TTLL1: variants seen among roughly 807,000 people sequenced by gnomAD.
TTLL1 encodes the protein polyglutamylase complex subunit TTLL1.
Under a neutral mutation model 47.8 loss-of-function variants are expected in TTLL1, and 33 were observed. The observed-to-expected ratio is 0.69, with a 90% CI of 0.52 to 0.92. TTLL1 has a LOEUF of 0.92. TTLL1 is among the 40% of genes least tolerant of loss of function. The pLI is 0.00. For missense variants in TTLL1, 488 were observed against 547.5 expected (o/e 0.89, Z 1.08); for synonymous variants, 225 against 214.1 (o/e 1.05, Z -0.45).
chr22:43,052,008 C>G, intron 8 of TTLL1, 121 bp from the exon 9 acceptor site: 1 of 850,864 alleles, frequency 1.2e-6, no homozygotes. Context: ...GGTTCCCACC[C>G]TCCACCACAA....
At chr22:43,084,144 T>A (rs1929073061) in intron 1 of TTLL1, among the ~76,000 whole-genome samples, 1 of 152,100 alleles carries the variant, frequency 6.6e-6, no homozygotes, top group African/African-American at 2.4e-5. Flanking sequence ...CTGAAAAAAC[T>A]CTAAACATAT....
At chr22:43,046,803 G>A (rs1926176491) in intron 9 of TTLL1, among the ~76,000 whole-genome samples, 1 of 152,082 alleles carries the variant, frequency 6.6e-6, no homozygotes, top group Non-Finnish European at 1.5e-5. Context: ...CTGAGTAGCT[G>A]GGACTACAGG....
chr22:43,070,154 A>G (rs774185857), intron 3 of TTLL1: 1 of 1,414,150 alleles, frequency 7.1e-7, no homozygotes, highest in Non-Finnish European at 9.5e-7. Context: ...AACACTGTCA[A>G]CAAATAAAAG....
intron 1 of TTLL1, among the ~76,000 whole-genome samples, chr22:43,080,626 C>T (rs974639176): frequency 1.3e-5 from 2 of 152,112 alleles, no homozygotes; most frequent in African/African-American, 4.8e-5. Context: ...CTGTGTGCAC[C>T]CTGTGCCCCA....
chr22:43,070,362 C>G, intron 3 of TTLL1: 1 of 454,590 alleles, frequency 2.2e-6, no homozygotes, highest in South Asian at 1.8e-5. Context: ...TAGATTCCTT[C>G]TGAGCCTCTG....
Position 43,039,599 on chromosome 22 carries a change from G to T in TTLL1, c.*177C>A. 4 of 640,414 alleles carry T rather than the reference G, an allele frequency of 6.2e-6. No individual in the cohort carries two copies. Among genetic ancestry groups the T allele is most frequent in the Non-Finnish European group, 4.5e-6 (2 of 443,620 alleles). The allele number at this position is 640,414 out of a possible 1,614,324, so 39.7% of individuals were successfully genotyped here. Reference sequence around the variant, plus strand: ...AAAAAAGAGCGAGTTTTATACATCCGCATGAATTGTTTCCTTTAGCACTAG... The same window carrying T: ...AAAAAAGAGCGAGTTTTATACATCCTCATGAATTGTTTCCTTTAGCACTAG... On this transcript the variant is annotated 3_prime_UTR_variant, in exon 11 of 11. Coordinates refer to ENST00000266254, the MANE Select transcript of TTLL1 (RefSeq NM_012263.5).
intron 7 of TTLL1, among the ~76,000 whole-genome samples, chr22:43,062,501 A>AG (rs1015198561): frequency 6.8e-6 from 1 of 147,234 alleles, no homozygotes; most frequent in African/African-American, 2.6e-5. Flanking sequence ...TAAAAAAAAA[A>AG]AAGAAAAGAA....
Position 43,068,586 on chromosome 22 carries a change from A to G in TTLL1, c.327T>C (p.Phe109=). ...CGGGCAGCATATAGGTGACTGGAAC[A>G]AAGTCTGCAAGGCAAAGACACCCAG... ...DENGKYLYLD[F]VPVTYMLPAD... The change falls in exon 5 of 11, where the codon TTT becomes TTC. Residue 109 remains phenylalanine (F), a synonymous_variant. Coordinates refer to ENST00000266254, the MANE Select transcript of TTLL1 (RefSeq NM_012263.5). 6.7e-7 allele frequency: 1 copy of G among 1,482,300 alleles called. No homozygotes were observed. Among genetic ancestry groups the G allele is most frequent in the Non-Finnish European group, 9.1e-7 (1 of 1,097,450 alleles). The allele number at this position is 1,482,300 out of a possible 1,614,324, so 91.8% of individuals were successfully genotyped here.
At chr22:43,080,579 C>A (rs757972332) in intron 1 of TTLL1, among the ~76,000 whole-genome samples, 1 of 152,250 alleles carries the variant, frequency 6.6e-6, no homozygotes, top group East Asian at 1.9e-4. Flanking sequence ...TCAGCCCCTT[C>A]CCACACCTGC....
intron 10 of TTLL1, among the ~76,000 whole-genome samples, chr22:43,044,755 CAG>C (rs149107910): frequency 0.085 from 12,958 of 152,182 alleles, 666 homozygotes; most frequent in Non-Finnish European, 0.12. Context: ...TATGTACACA[CAG>C]GGGATTCTGA....
At chr22:43,073,559 T>C (rs1459878982) in intron 3 of TTLL1, among the ~76,000 whole-genome samples, 2 of 151,692 alleles carry the variant, frequency 1.3e-5, no homozygotes, top group African/African-American at 4.8e-5. Flanking sequence ...TTTCACCAAG[T>C]TGGCTAGGCT....
chr22:43,076,262 C>T (rs35785167), intron 2 of TTLL1, among the ~76,000 whole-genome samples: 10,146 of 150,768 alleles, frequency 0.067, 623 homozygotes, highest in East Asian at 0.3. Context: ...TCAAGACCAG[C>T]GTGGCCAATG....
chr22:43,080,931 T>TTTTTTTTA (rs1362475988), intron 1 of TTLL1, among the ~76,000 whole-genome samples: 4 of 128,946 alleles, frequency 3.1e-5, no homozygotes, highest in Non-Finnish European at 6.3e-5. Flanking sequence ...TTTTTTTTTT[T>TTTTTTTTA]TTTTAGACAA....
Position 43,039,915 on chromosome 22 carries a change from GA to G in TTLL1, c.1143-11del. On this transcript the variant is annotated splice_polypyrimidine_tract_variant and intron_variant, in intron 10 of 10. Coordinates refer to ENST00000266254, the MANE Select transcript of TTLL1 (RefSeq NM_012263.5). ...CAATTCTTCATCATACCTGGAGACA[GA>G]AACAGCCAGGATCACGGCAGGCTCT... The G allele has an allele frequency of 1.2e-6, 2 of 1,612,392 alleles. No homozygotes were observed. Among genetic ancestry groups the G allele is most frequent in the East Asian group, 2.2e-5 (1 of 44,814 alleles).
chr22:43,079,206 C>T (rs1354437572), intron 2 of TTLL1, among the ~76,000 whole-genome samples: 2 of 98,916 alleles, frequency 2.0e-5, no homozygotes, highest in African/African-American at 3.2e-5. Flanking sequence ...GGGAGCCGCA[C>T]CCCAGAGCGT....
chr22:43,089,042 T>C (rs1335881026), intron 1 of TTLL1, among the ~76,000 whole-genome samples: 1 of 152,124 alleles, frequency 6.6e-6, no homozygotes, highest in Non-Finnish European at 1.5e-5. Context: ...AATGATGCAA[T>C]TGCAACAGTC....
chr22:43,089,215 AGCCC>A (rs1929451321), intron 1 of TTLL1, 58 bp downstream of exon 1: 1 of 152,298 alleles, frequency 6.6e-6, no homozygotes, highest in Admixed American at 6.6e-5. Flanking sequence ...CGCACTCGCC[AGCCC>A]GCGCGCAGCC....
chr22:43,055,459 G>A (rs896390903), intron 8 of TTLL1, among the ~76,000 whole-genome samples: 1 of 152,010 alleles, frequency 6.6e-6, no homozygotes, highest in African/African-American at 2.4e-5. Flanking sequence ...AGCCTGCCCA[G>A]TAGCTGGGAC....
intron 5 of TTLL1, among the ~76,000 whole-genome samples, chr22:43,065,634 G>A (rs958768415): frequency 6.6e-6 from 1 of 151,942 alleles, no homozygotes; most frequent in Non-Finnish European, 1.5e-5. Flanking sequence ...CCAGGCTGGA[G>A]TGCAGTGGTG....
Sources: allele counts gnomAD v4.1 joint callset (sites outside exome capture counted in the v4.1 genomes callset), GRCh38; gene constraint gnomAD v4.1.1; transcripts MANE v1.5; gene names NCBI Gene and HGNC (gene_info 2026-07-23, HGNC 2026-07-21).